The following TPR variants were observed in gnomAD, a reference collection of about 807,000 sequenced individuals.
TPR encodes nucleoprotein TPR.
Under a neutral mutation model 316.1 loss-of-function variants are expected in TPR, and 51 were observed. That is an observed-to-expected ratio of 0.16 (90% CI 0.13 to 0.20). The LOEUF is 0.20. TPR is among the 10% of genes least tolerant of loss of function. The pLI is 1.00. For synonymous variants in TPR, 981 were observed against 914.7 expected (o/e 1.07, Z -1.31); for missense variants, 2,272 against 2,754.8 (o/e 0.82, Z 3.92).
At chr1:186,370,398 T>C (rs972211706) in intron 3 of TPR, among the ~76,000 whole-genome samples, 5 of 152,144 alleles carry the variant, frequency 3.3e-5, no homozygotes, top group Non-Finnish European at 7.4e-5. Context: ...TGAGTCATTC[T>C]TCATATAAAT....
At chr1:186,337,247 G>T in intron 31 of TPR, 91 bp from the exon 32 acceptor site, 1 of 1,431,860 alleles carries the variant, frequency 7.0e-7, no homozygotes, top group Non-Finnish European at 9.3e-7. Flanking sequence ...TCACAGCTTT[G>T]CAAAGAAATT....
intron 21 of TPR, 142 bp downstream of exon 21, chr1:186,350,081 A>G: frequency 1.2e-6 from 1 of 807,330 alleles, no homozygotes; most frequent in Non-Finnish European, 1.8e-6. Flanking sequence ...CCACTATATA[A>G]AGAAAAAGTT....
intron 39 of TPR, among the ~76,000 whole-genome samples, chr1:186,331,033 C>T (rs905609886): frequency 7.2e-5 from 11 of 151,898 alleles, no homozygotes; most frequent in African/African-American, 2.4e-4. Context: ...ATATTCTCTC[C>T]GCTAGTAAAA....
In TPR at chr1:186,331,474, T is replaced by C. The variant is rs747326477; in HGVS notation, c.5688+24A>G. ...TCATTCACGAAAAGCAACGGTGTGG[T>C]ACTTTAGGTATGTTTTTACTTACTT... On this transcript the variant is annotated intron_variant, in intron 39 of 50. Coordinates refer to ENST00000367478, the MANE Select transcript of TPR (RefSeq NM_003292.3). The C allele has an allele frequency of 8.4e-6, 13 of 1,546,394 alleles. No individual in the cohort carries two copies. In the Admixed American group the frequency reaches 8.9e-5, roughly 11 times the overall value.
At chr1:186,371,067 T>A (rs755147023) in intron 2 of TPR, 24 bp from the exon 3 acceptor site, 2 of 1,578,768 alleles carry the variant, frequency 1.3e-6, no homozygotes, top group Admixed American at 3.3e-5. Context: ...ATTTTATGAA[T>A]ACATACACAT....
At chr1:186,330,941 A>C (rs577329314) in intron 39 of TPR, among the ~76,000 whole-genome samples, 3 of 152,270 alleles carry the variant, frequency 2.0e-5, no homozygotes, top group Admixed American at 2.0e-4. Context: ...CAATGCAGGG[A>C]ATTAATGATA....
chr1:186,325,665 C>A, intron 42 of TPR, 99 bp downstream of exon 42: 2 of 954,574 alleles, frequency 2.1e-6, no homozygotes, highest in Admixed American at 2.6e-5. Context: ...TCTCTTTTTA[C>A]CAATTCAATA....
At chr1:186,352,977 A>C (rs898124805) in intron 18 of TPR, among the ~76,000 whole-genome samples, 2 of 152,244 alleles carry the variant, frequency 1.3e-5, no homozygotes, top group Admixed American at 6.5e-5. Flanking sequence ...AAAAGTAATA[A>C]TTTCAAATGG....
intron 3 of TPR, among the ~76,000 whole-genome samples, chr1:186,369,134 T>C (rs1558040917): frequency 1.3e-5 from 2 of 152,230 alleles, no homozygotes; most frequent in South Asian, 4.1e-4. Flanking sequence ...AGTACTGTAC[T>C]ATTTGGATTA....
chr1:186,373,935 T>C (rs759592029), intron 1 of TPR, among the ~76,000 whole-genome samples: 8 of 152,188 alleles, frequency 5.3e-5, no homozygotes, highest in Admixed American at 2.6e-4. Context: ...AGGGAAGGGA[T>C]TGAATATCAT....
At chr1:186,318,962 C>G (rs1657692008) in intron 46 of TPR, 134 bp from the exon 47 acceptor site, 3 of 829,592 alleles carry the variant, frequency 3.6e-6, no homozygotes, top group Admixed American at 2.8e-5. Flanking sequence ...ATTATTCCAT[C>G]AAGCAAAAAT....
rs1041963759 is a variant in TPR, at chr1:186,338,369, C to A, written c.4152-126G>T. The A allele has an allele frequency of 5.4e-6, 4 of 737,148 alleles. No individual in the cohort carries two copies. In the Admixed American group the frequency reaches 9.4e-5, roughly 17 times the overall value. The allele number at this position is 737,148 out of a possible 1,614,324, so 45.7% of individuals were successfully genotyped here. A position where few individuals can be genotyped will look rare whatever the true frequency, so the allele number is the denominator to read the frequency against. ...TTTTTTGAAAATCCTAAAAAATACC[C>A]ATATACTTCAAAGGTAAGACCTTAC... On this transcript the variant is annotated intron_variant, in intron 30 of 50. Coordinates refer to ENST00000367478, the MANE Select transcript of TPR (RefSeq NM_003292.3).
intron 32 of TPR, 64 bp downstream of exon 32, chr1:186,336,949 A>T: frequency 6.3e-7 from 1 of 1,598,122 alleles, no homozygotes. Flanking sequence ...GTCAGTAGTT[A>T]ACACATATTT....
chr1:186,366,082 T>A (rs139212358), intron 4 of TPR, among the ~76,000 whole-genome samples: 3 of 152,204 alleles, frequency 2.0e-5, no homozygotes, highest in South Asian at 4.1e-4. Flanking sequence ...ACTGAAACTA[T>A]AGCAAACGGT....
At chr1:186,349,182 C>A (rs750209814) in intron 21 of TPR, among the ~76,000 whole-genome samples, 3 of 152,206 alleles carry the variant, frequency 2.0e-5, no homozygotes, top group Non-Finnish European at 2.9e-5. Flanking sequence ...TGGGAAAAAT[C>A]ATCTAACACA....
chr1:186,326,084 T>G lies in TPR; in HGVS notation c.6021+20A>C. The G allele has an allele frequency of 1.2e-6, 2 of 1,613,470 alleles. No homozygotes were observed. The highest frequency in any genetic ancestry group is 1.7e-6 in the Non-Finnish European group (2 of 1,179,678). On this transcript the variant is annotated intron_variant, in intron 41 of 50. Transcript: ENST00000367478. ...AGCTCATAGAAAGAACTATGAATGG[T>G]TAAAATTCTAGCCAGTTACCTCAGC...
chr1:186,361,975 T>A (rs2101985311), intron 7 of TPR, 106 bp from the exon 8 acceptor site: 1 of 1,010,644 alleles, frequency 9.9e-7, no homozygotes, highest in East Asian at 2.6e-5. Context: ...GAGCTAAATC[T>A]AAAACACTCA....
In TPR at chr1:186,313,766, C is replaced by T. The variant is rs755358454; in HGVS notation, c.*205G>A. The T allele has an allele frequency of 6.2e-7, 1 of 1,602,708 alleles. No homozygotes were observed. The highest frequency in any genetic ancestry group is 1.7e-5 in the Admixed American group (1 of 59,970). Reference sequence around the variant, plus strand: ...GGCAGACCTTATCCAAAGTCTGGTACAACTGTCCTTAGACTGATGAGCAAA... The same window carrying T: ...GGCAGACCTTATCCAAAGTCTGGTATAACTGTCCTTAGACTGATGAGCAAA... On this transcript the variant is annotated 3_prime_UTR_variant, in exon 51 of 51. Transcript: ENST00000367478.
chr1:186,368,044 A>AG (rs1317724560), intron 3 of TPR, 62 bp from the exon 4 acceptor site: 2 of 1,217,518 alleles, frequency 1.6e-6, no homozygotes, highest in Non-Finnish European at 2.4e-6. Context: ...AAGCGAACAT[A>AG]GAATTGTCAC....
Sources: allele counts gnomAD v4.1 joint callset (sites outside exome capture counted in the v4.1 genomes callset), GRCh38; gene constraint gnomAD v4.1.1; transcripts MANE v1.5; gene names NCBI Gene and HGNC (gene_info 2026-07-23, HGNC 2026-07-21).